Variants in CDK13 observed in about 807,000 individuals in gnomAD.
The protein encoded by CDK13 is cyclin dependent kinase 13, also known as cyclin-dependent kinase 13.
CDK13 carries 40 observed loss-of-function variants against 137.6 expected under a neutral mutation model. That is an observed-to-expected ratio of 0.29 (90% CI 0.23 to 0.38). The LOEUF (loss-of-function observed/expected upper bound fraction) is 0.38, where lower values mean the gene tolerates loss of function less well. Among genes scored for constraint, CDK13 ranks in the 10% least tolerant of loss-of-function variants. CDK13 has a pLI of 1.00. For synonymous variants in CDK13, 869 were observed against 760.1 expected (o/e 1.14, Z -2.36); for missense variants, 1,704 against 1,951.8 (o/e 0.87, Z 2.39).
At chr7:40,002,191 T>C (rs866823436) in intron 5 of CDK13, 160 bp downstream of exon 5, 11 of 508,626 alleles carry the variant, frequency 2.2e-5, no homozygotes, top group Middle Eastern at 5.2e-4. Flanking sequence ...AATGAATTGA[T>C]TTACTTTAGT....
intron 1 of CDK13, among the ~76,000 whole-genome samples, chr7:39,972,979 C>T (rs1159002339): frequency 1.3e-5 from 2 of 152,062 alleles, no homozygotes; most frequent in Non-Finnish European, 2.9e-5. Context: ...TTGATTGTAG[C>T]CATCTTGGTA....
rs1405704853 is a variant in CDK13 at position 40,094,133 on chromosome 7, A to G, written c.3692A>G (p.Gln1231Arg). Residue 1231 changes from glutamine to arginine, a missense_variant, in exon 14 of 14, where the codon CAA becomes CGA. Around this residue, in one of 5 missense-constraint regions of CDK13, gnomAD observed 475 missense variants for 579.3 expected, o/e 0.82. Coordinates refer to ENST00000181839, the MANE Select transcript of CDK13 (RefSeq NM_003718.5). ...GTTTTTGCTCTGTTTCACTTAGGAC[A>G]AGATGACCTCATCCAGCATCAAGAT... Reference protein sequence around the residue: ...PPEPSTPVSGQDDLIQHQDMR... With the variant: ...PPEPSTPVSGRDDLIQHQDMR... 1 of 1,613,458 alleles carries G rather than the reference A, an allele frequency of 6.2e-7. No individual in the cohort carries two copies. The highest frequency in any genetic ancestry group is 8.5e-7 in the Non-Finnish European group (1 of 1,179,870).
chr7:40,074,753 C>T (rs1786504703), intron 9 of CDK13, among the ~76,000 whole-genome samples: 1 of 149,256 alleles, frequency 6.7e-6, no homozygotes, highest in South Asian at 2.1e-4. Context: ...ACCGGGAGGT[C>T]GAGGCTTCAG....
intron 1 of CDK13, among the ~76,000 whole-genome samples, chr7:39,978,100 T>C (rs1784146659): frequency 6.6e-6 from 1 of 152,002 alleles, no homozygotes; most frequent in African/African-American, 2.4e-5. Context: ...GAGGATGATT[T>C]GCGGGGGTGA....
intron 7 of CDK13, among the ~76,000 whole-genome samples, chr7:40,058,511 G>A (rs368641624): frequency 7.9e-6 from 1 of 126,962 alleles, no homozygotes; most frequent in African/African-American, 3.0e-5. Context: ...TCCATTCAGG[G>A]CAACAGAGCG....
intron 1 of CDK13, 140 bp downstream of exon 1, chr7:39,951,992 AG>A (rs1787236994): frequency 1.1e-6 from 1 of 936,948 alleles, no homozygotes; most frequent in Non-Finnish European, 1.4e-6. Flanking sequence ...CCTCCCAGGA[AG>A]GATAGGCGTT....
chr7:40,006,274 T>TA (rs1784794988), intron 5 of CDK13, among the ~76,000 whole-genome samples: 1 of 152,180 alleles, frequency 6.6e-6, no homozygotes, highest in Non-Finnish European at 1.5e-5. Flanking sequence ...TGCAGTTACT[T>TA]ACATTAGTTT....
At chr7:39,970,870 A>G (rs1459271768) in intron 1 of CDK13, among the ~76,000 whole-genome samples, 1 of 152,202 alleles carries the variant, frequency 6.6e-6, no homozygotes, top group African/African-American at 2.4e-5. Flanking sequence ...TACCTTTTCA[A>G]ATGCTTTTCC....
At position 39,950,481 on chromosome 7, in the gene CDK13, G is replaced by A; in HGVS notation, c.-161G>A. On this transcript the variant is annotated 5_prime_UTR_variant, in exon 1 of 14. Coordinates refer to ENST00000181839, the MANE Select transcript of CDK13 (RefSeq NM_003718.5). ...GTACCCCACTGTGACCTGGAACCCAGGGACCCGAGTCCCGACCCGGATTAT... is the reference window on the plus strand; with the variant it reads ...GTACCCCACTGTGACCTGGAACCCAAGGACCCGAGTCCCGACCCGGATTAT... 1 of 1,257,774 alleles carries A rather than the reference G, an allele frequency of 8.0e-7. No individual in the cohort carries two copies. Among genetic ancestry groups the A allele is most frequent in the Non-Finnish European group, 1.0e-6 (1 of 1,002,400 alleles). 77.9% of individuals were successfully genotyped at this position (1,257,774 alleles called of 1,614,324 possible). A position where few individuals can be genotyped will look rare whatever the true frequency, so the allele number is the denominator to read the frequency against.
At position 40,041,157 on chromosome 7, in the gene CDK13, C is replaced by T. The variant is rs545662482; in HGVS notation, c.2354-4679C>T. ...CCTGGCCAACATTGTGAAACCCCAT[C>T]TCTACTAAAAATACAAAAATTAGCC... On this transcript the variant is annotated intron_variant, in intron 5 of 13. Transcript: ENST00000181839. Among the ~76,000 whole-genome samples, 61 of 152,238 alleles carry T rather than the reference C, an allele frequency of 4.0e-4. 1 individual carries two copies. The East Asian group carries it at 0.011, about 28-fold the overall frequency.
chr7:40,046,962 T>C lies in CDK13; in HGVS notation c.2544-859T>C, dbSNP rs1785755168. 2.2e-5 allele frequency among the ~76,000 whole-genome samples: 3 copies of C among 134,282 alleles called. No homozygotes were observed. In the South Asian group the frequency reaches 6.9e-4, roughly 31 times the overall value. The allele number at this position is 134,282 out of a possible 152,430, so 88.1% of individuals were successfully genotyped here. On this transcript the variant is annotated intron_variant, in intron 6 of 13. Transcript: ENST00000181839. ...GTTGAGTGGAGTCAGTGAGCTGAGA[T>C]AGTGCCACTGCACTCCAGCCTGGGT...
chr7:40,070,023 C>A (rs1283211398), intron 9 of CDK13: 1 of 135,764 alleles, frequency 7.4e-6, no homozygotes, highest in Non-Finnish European at 1.5e-5. Context: ...GAGATCAAGA[C>A]CATCCGGGCT....
intron 5 of CDK13, among the ~76,000 whole-genome samples, chr7:40,039,678 T>C (rs1250193623): frequency 2.0e-5 from 3 of 151,842 alleles, no homozygotes; most frequent in Non-Finnish European, 4.4e-5. Context: ...GTGATCCACC[T>C]GCCTCAGCCT....
At chr7:40,006,782 A>C (rs1232043452) in intron 5 of CDK13, among the ~76,000 whole-genome samples, 2 of 152,238 alleles carry the variant, frequency 1.3e-5, no homozygotes, top group Admixed American at 1.3e-4. Flanking sequence ...ACTGTGTCTC[A>C]AATTATCTTG....
chr7:40,053,693 G>A (rs896964794), intron 7 of CDK13, among the ~76,000 whole-genome samples: 3 of 151,074 alleles, frequency 2.0e-5, no homozygotes, highest in African/African-American at 7.3e-5. Context: ...TGTGTTTAGA[G>A]TATATTATTC....
intron 5 of CDK13, among the ~76,000 whole-genome samples, chr7:40,042,192 C>T (rs1326084901): frequency 2.6e-5 from 4 of 151,864 alleles, no homozygotes; most frequent in African/African-American, 7.3e-5. Flanking sequence ...TGATTCTCCT[C>T]GTCAGCCTCC....
At chr7:40,044,907 A>AT (rs1245328263) in intron 5 of CDK13, among the ~76,000 whole-genome samples, 5 of 152,312 alleles carry the variant, frequency 3.3e-5, no homozygotes, top group African/African-American at 1.2e-4. Flanking sequence ...AAGCCCTGGG[A>AT]TTACAGGCAT....
chr7:40,057,321 C>T (rs1472060375), intron 7 of CDK13, among the ~76,000 whole-genome samples: 2 of 152,182 alleles, frequency 1.3e-5, no homozygotes, highest in Non-Finnish European at 2.9e-5. Context: ...TTTAACCATA[C>T]CACCAAGTCA....
intron 5 of CDK13, among the ~76,000 whole-genome samples, chr7:40,016,085 C>G (rs893127597): frequency 6.6e-6 from 1 of 152,124 alleles, no homozygotes; most frequent in Non-Finnish European, 1.5e-5. Flanking sequence ...GGGAGAAATG[C>G]CAGCAGTGAA....
Sources: allele counts gnomAD v4.1 joint callset (sites outside exome capture counted in the v4.1 genomes callset), GRCh38; gene constraint gnomAD v4.1.1; regional missense constraint gnomAD v4.1.1; transcripts MANE v1.5; gene names NCBI Gene and HGNC (gene_info 2026-07-23, HGNC 2026-07-21).